ANTXR1: variants seen among roughly 807,000 people sequenced by gnomAD.
ANTXR1 encodes ANTXR cell adhesion molecule 1.
ANTXR1 carries 19 observed loss-of-function variants against 78.1 expected under a neutral mutation model. The ratio of observed to expected loss-of-function variants is 0.24; its 90% CI spans 0.17 to 0.36. ANTXR1 has a LOEUF of 0.36. Ranked by LOEUF, ANTXR1 falls within the 10% of genes least tolerant of loss-of-function variation. ANTXR1 has a pLI of 1.00. For synonymous variants in ANTXR1, 273 were observed against 260.5 expected, an observed-to-expected ratio of 1.05 and a Z score of -0.46; for missense variants, 518 against 718.6, an observed-to-expected ratio of 0.72 and a Z score of 3.19.
chr2:69,108,864 C>G (rs961961597), intron 10 of ANTXR1, among the ~76,000 whole-genome samples: 1 of 152,182 alleles, frequency 6.6e-6, no homozygotes. Flanking sequence ...CAGTCTATCA[C>G]TGACGGGCAG....
intron 13 of ANTXR1, among the ~76,000 whole-genome samples, chr2:69,165,139 G>A (rs1673795378): frequency 6.6e-6 from 1 of 152,182 alleles, no homozygotes; most frequent in Admixed American, 6.5e-5. Context: ...AAGCCCTCCA[G>A]GTGATTCTGA....
intron 12 of ANTXR1, among the ~76,000 whole-genome samples, chr2:69,139,427 C>A (rs888012150): frequency 6.6e-6 from 1 of 152,238 alleles, no homozygotes; most frequent in Non-Finnish European, 1.5e-5. Flanking sequence ...ACTCTGACAA[C>A]CTCTTTCAGG....
chr2:69,031,232 G>C (rs927020355), intron 1 of ANTXR1, among the ~76,000 whole-genome samples: 1 of 152,198 alleles, frequency 6.6e-6, no homozygotes, highest in African/African-American at 2.4e-5. Flanking sequence ...CATGGGACCT[G>C]TGCAGTCAGC....
At chr2:69,166,065 C>G (rs1475763683) in intron 13 of ANTXR1, among the ~76,000 whole-genome samples, 1 of 152,232 alleles carries the variant, frequency 6.6e-6, no homozygotes, top group Non-Finnish European at 1.5e-5. Context: ...TCTTTCTACT[C>G]TATTCGTACT....
chr2:69,196,156 T>A (rs1267437346), intron 17 of ANTXR1, among the ~76,000 whole-genome samples: 1 of 152,242 alleles, frequency 6.6e-6, no homozygotes, highest in Non-Finnish European at 1.5e-5. Flanking sequence ...AAAGTTTGTA[T>A]TAACAGCTGA....
chr2:69,126,420 G>C (rs1672541325), intron 12 of ANTXR1, among the ~76,000 whole-genome samples: 1 of 152,182 alleles, frequency 6.6e-6, no homozygotes, highest in South Asian at 2.1e-4. Context: ...ACTGTATGCA[G>C]AAGTGTTGAA....
chr2:69,084,756 A>C (rs1670998218), intron 8 of ANTXR1, among the ~76,000 whole-genome samples: 1 of 151,480 alleles, frequency 6.6e-6, no homozygotes, highest in Non-Finnish European at 1.5e-5. Context: ...TTAAAGTCAG[A>C]TTCTATAGAA....
chr2:69,181,088 G>C (rs1047910820), intron 14 of ANTXR1, among the ~76,000 whole-genome samples: 2 of 152,194 alleles, frequency 1.3e-5, no homozygotes, highest in African/African-American at 4.8e-5. Context: ...GGCAGAGCTG[G>C]CGTTTGCACT....
chr2:69,171,154 C>A (rs1673973003), intron 14 of ANTXR1, among the ~76,000 whole-genome samples: 1 of 152,236 alleles, frequency 6.6e-6, no homozygotes, highest in South Asian at 2.1e-4. Context: ...GCCAGTTCCT[C>A]ACCCTTCCCC....
intron 10 of ANTXR1, among the ~76,000 whole-genome samples, chr2:69,113,207 G>C (rs1672043924): frequency 6.6e-6 from 1 of 152,152 alleles, no homozygotes. Flanking sequence ...CTGCTGTCCT[G>C]CGGGGGTAAG....
chr2:69,130,473 C>T (rs1672706925), intron 12 of ANTXR1, among the ~76,000 whole-genome samples: 1 of 152,128 alleles, frequency 6.6e-6, no homozygotes, highest in African/African-American at 2.4e-5. Flanking sequence ...AAAACAACTG[C>T]TCTATAACTG....
At chr2:69,203,240 G>T (rs75958399) in intron 17 of ANTXR1, among the ~76,000 whole-genome samples, 1,940 of 152,280 alleles carry the variant, frequency 0.013, 39 homozygotes, top group African/African-American at 0.044. Context: ...GAAGAAAAAA[G>T]AGCAAATTAT....
chr2:69,160,666 GTATT>G (rs1673657379), intron 13 of ANTXR1, among the ~76,000 whole-genome samples: 1 of 152,162 alleles, frequency 6.6e-6, no homozygotes. Context: ...AGAACAAGAG[GTATT>G]TAGACAGTGA....
chr2:69,152,578 T>C (rs998062680), intron 13 of ANTXR1, among the ~76,000 whole-genome samples: 2 of 152,196 alleles, frequency 1.3e-5, no homozygotes, highest in African/African-American at 4.8e-5. Flanking sequence ...ATTCGACATG[T>C]AATGAACATA....
chr2:69,028,193 ACT>A (rs1364222854), intron 1 of ANTXR1, among the ~76,000 whole-genome samples: 2 of 152,126 alleles, frequency 1.3e-5, no homozygotes, highest in Non-Finnish European at 2.9e-5. Flanking sequence ...ATAGAAGAAA[ACT>A]CTTCTGACTT....
chr2:69,154,424 G>A (rs924901511), intron 13 of ANTXR1, among the ~76,000 whole-genome samples: 3 of 152,084 alleles, frequency 2.0e-5, no homozygotes, highest in Non-Finnish European at 2.9e-5. Flanking sequence ...TCCTTGATGA[G>A]GGGTGATGCT....
rs1558674060 is a variant in ANTXR1 at position 69,246,929 on chromosome 2, CA to C, written c.*1446del. 6.6e-6 allele frequency: 1 copy of C among 152,304 alleles called. No homozygotes were observed. Among genetic ancestry groups the C allele is most frequent in the East Asian group, 1.9e-4 (1 of 5,192 alleles). 9.4% of individuals were successfully genotyped at this position (152,304 alleles called of 1,614,324 possible). A position where few individuals can be genotyped will look rare whatever the true frequency, so the allele number is the denominator to read the frequency against. ...CCAAATTCTCAGATCTTTTCTGGAA[CA>C]AGGCAGAATATAAAATAAATATACA... On this transcript the variant is annotated 3_prime_UTR_variant, in exon 18 of 18. Transcript: ENST00000303714.
chr2:69,231,410 A>C (rs926837537), intron 17 of ANTXR1, among the ~76,000 whole-genome samples: 2 of 152,118 alleles, frequency 1.3e-5, no homozygotes, highest in African/African-American at 2.4e-5. Context: ...AACTTTAGGA[A>C]GGGTGCCAAG....
At chr2:69,164,109 G>A (rs1028473156) in intron 13 of ANTXR1, among the ~76,000 whole-genome samples, 16 of 152,098 alleles carry the variant, frequency 1.1e-4, no homozygotes, top group Admixed American at 3.9e-4. Flanking sequence ...AATGAATTTC[G>A]GATACAAAAC....
Sources: gnomAD v4.1 joint callset for allele counts (sites outside exome capture counted in the v4.1 genomes callset) on GRCh38, gnomAD v4.1.1 for gene constraint, MANE v1.5 for transcripts, NCBI Gene and HGNC (gene_info 2026-07-23, HGNC 2026-07-21) for gene names.